Variants in COL4A6 observed in about 807,000 individuals in gnomAD.
COL4A6 encodes collagen type IV alpha 6 chain.
Under a neutral mutation model 126.7 loss-of-function variants are expected in COL4A6, and 59 were observed. The ratio of observed to expected loss-of-function variants is 0.47; its 90% CI spans 0.38 to 0.58. The LOEUF is 0.58. Among genes scored for constraint, COL4A6 ranks in the 20% least tolerant of loss-of-function variants. The pLI is 0.00. For missense variants in COL4A6, 1,285 were observed against 1,337.3 expected, an observed-to-expected ratio of 0.96 and a Z score of 0.61; for synonymous variants, 547 against 496.6, an observed-to-expected ratio of 1.10 and a Z score of -1.35.
intron 15 of COL4A6, 142 bp from the exon 16 acceptor site, chrX:108,194,729 C>T (rs904960397): frequency 3.5e-6 from 2 of 577,763 alleles, no homozygotes; most frequent in South Asian, 3.1e-5. Flanking sequence ...ACTCTGGAAG[C>T]TGTAAAATCT....
chrX:108,190,604 A>G (rs1425941166), intron 19 of COL4A6, 108 bp from the exon 20 acceptor site: 2 of 456,259 alleles, frequency 4.4e-6, no homozygotes, highest in Non-Finnish European at 7.5e-6. Flanking sequence ...GAGGCTGAAC[A>G]ACAGAGCAGA....
At chrX:108,165,880 A>T (rs781349601) in intron 37 of COL4A6, among the ~76,000 whole-genome samples, 1 of 112,877 alleles carries the variant, frequency 8.9e-6, no homozygotes, top group Admixed American at 9.3e-5. Context: ...TTAGCCAGTT[A>T]TGTCTGATGC....
At chrX:108,183,530 G>T (rs1278053982) in intron 23 of COL4A6, among the ~76,000 whole-genome samples, 1 of 111,652 alleles carries the variant, frequency 9.0e-6, no homozygotes, top group Admixed American at 9.5e-5. Flanking sequence ...GCTGTAAGAG[G>T]TATGTGCTAA....
At chrX:108,301,426 A>G (rs1038704222) in intron 3 of COL4A6, among the ~76,000 whole-genome samples, 4 of 111,902 alleles carry the variant, frequency 3.6e-5, no homozygotes, top group Admixed American at 2.8e-4. Context: ...AGGAATTACT[A>G]CTCACTAGGG....
At chrX:108,269,243 T>A (rs985036818) in intron 3 of COL4A6, 6 of 311,864 alleles carry the variant, frequency 1.9e-5, no homozygotes, top group African/African-American at 1.6e-4. Context: ...TGAGGACATT[T>A]GTCTAGAAGG....
At chrX:108,242,167 C>T (rs1221031677) in intron 3 of COL4A6, among the ~76,000 whole-genome samples, 4 of 110,444 alleles carry the variant, frequency 3.6e-5, no homozygotes, top group African/African-American at 9.9e-5. Flanking sequence ...TTTTTCTGTT[C>T]CAGAATCCAA....
intron 2 of COL4A6, among the ~76,000 whole-genome samples, chrX:108,354,184 G>A (rs911429576): frequency 2.5e-4 from 28 of 111,319 alleles, no homozygotes; most frequent in African/African-American, 9.1e-4. Flanking sequence ...GTGACGCTAT[G>A]AGAAGAGTAA....
intron 3 of COL4A6, among the ~76,000 whole-genome samples, chrX:108,289,908 C>T (rs1359091367): frequency 8.9e-6 from 1 of 111,968 alleles, no homozygotes; most frequent in Admixed American, 9.5e-5. Flanking sequence ...GAGCGAATCT[C>T]GTCAGTAGTT....
intron 2 of COL4A6, among the ~76,000 whole-genome samples, chrX:108,348,248 A>G (rs1466695064): frequency 1.8e-5 from 2 of 112,079 alleles, no homozygotes; most frequent in East Asian, 2.8e-4. Flanking sequence ...TATAGCTAAC[A>G]TATCATTTCC....
intron 2 of COL4A6, among the ~76,000 whole-genome samples, chrX:108,371,574 TAA>T (rs35855359): frequency 0.069 from 3,538 of 51,616 alleles, 240 homozygotes; most frequent in African/African-American, 0.21. Context: ...TCTGTCTCTA[TAA>T]AAAAAAAAAA....
At position 108,198,092 on chromosome X, in the gene COL4A6, C is replaced by T. The variant is rs957505402; in HGVS notation, c.835-1513G>A. ...GAAATCTGTGGCAGCCCATGCTGCCCGAAACTCTTAAAGTGCAAAGAATGG... is the reference window on the plus strand; with the variant it reads ...GAAATCTGTGGCAGCCCATGCTGCCTGAAACTCTTAAAGTGCAAAGAATGG... On this transcript the variant is annotated intron_variant, in intron 13 of 44. Transcript: ENST00000334504. Among the ~76,000 whole-genome samples the T allele has an allele frequency of 4.5e-5, 5 of 111,406 alleles. No individual in the cohort carries two copies. The South Asian group carries it at 1.9e-3, about 43-fold the overall frequency.
chrX:108,435,604 A>ATC (rs2064251922), intron 2 of COL4A6, among the ~76,000 whole-genome samples: 1 of 112,143 alleles, frequency 8.9e-6, no homozygotes, highest in African/African-American at 3.2e-5. Context: ...AATTGTGCAA[A>ATC]TATTTCACCT....
At chrX:108,392,582 C>T (rs1186097709) in intron 2 of COL4A6, among the ~76,000 whole-genome samples, 1 of 111,791 alleles carries the variant, frequency 8.9e-6, no homozygotes, top group Non-Finnish European at 1.9e-5. Flanking sequence ...CCACTTCACA[C>T]TCATGAGAAT....
At chrX:108,317,135 C>T (rs1422113137) in intron 2 of COL4A6, among the ~76,000 whole-genome samples, 1 of 112,099 alleles carries the variant, frequency 8.9e-6, no homozygotes, top group Non-Finnish European at 1.9e-5. Context: ...GTTATAGAGT[C>T]TGACAGAAGT....
At chrX:108,373,647 T>A (rs141645566) in intron 2 of COL4A6, among the ~76,000 whole-genome samples, 318 of 111,241 alleles carry the variant, frequency 2.9e-3, no homozygotes, top group Non-Finnish European at 4.4e-3. Context: ...GCCTGTTATA[T>A]CTCCCCAGCC....
At chrX:108,311,221 T>A (rs911209162) in intron 2 of COL4A6, among the ~76,000 whole-genome samples, 6 of 111,924 alleles carry the variant, frequency 5.4e-5, no homozygotes, top group Non-Finnish European at 1.1e-4. Context: ...TTGAGTGAAA[T>A]TCAAGTGCTA....
intron 2 of COL4A6, among the ~76,000 whole-genome samples, chrX:108,330,061 T>G (rs1298938913): frequency 9.1e-6 from 1 of 110,377 alleles, no homozygotes; most frequent in Admixed American, 9.7e-5. Context: ...TATATATATA[T>G]GGGCTTGGAG....
At chrX:108,220,097 G>A (rs1468580320) in intron 4 of COL4A6, among the ~76,000 whole-genome samples, 5 of 111,453 alleles carry the variant, frequency 4.5e-5, no homozygotes, top group Non-Finnish European at 7.5e-5. Context: ...TCCCCTAGCC[G>A]AACAACTCTC....
At chrX:108,227,424 C>A (rs981704821) in intron 3 of COL4A6, among the ~76,000 whole-genome samples, 3 of 111,250 alleles carry the variant, frequency 2.7e-5, no homozygotes, top group African/African-American at 9.8e-5. Context: ...ATCCTGAGAA[C>A]ATGTGGCCAA....
Sources: allele counts gnomAD v4.1 joint callset (sites outside exome capture counted in the v4.1 genomes callset), GRCh38; gene constraint gnomAD v4.1.1; transcripts MANE v1.5; gene names NCBI Gene and HGNC (gene_info 2026-07-23, HGNC 2026-07-21).